Variants in MYLK3 observed in about 807,000 individuals in gnomAD.
MYLK3 encodes the protein myosin light chain kinase 3.
In MYLK3, 55 loss-of-function variants were observed where a neutral mutation model predicts 76.3. That is an observed-to-expected ratio of 0.72 (90% CI 0.58 to 0.90). MYLK3 has a LOEUF of 0.90. Among genes scored for constraint, MYLK3 ranks in the 40% least tolerant of loss-of-function variants. The pLI is 0.00. For synonymous variants in MYLK3, 416 were observed against 425.4 expected, an observed-to-expected ratio of 0.98 and a Z score of 0.27; for missense variants, 973 against 1,053.6, an observed-to-expected ratio of 0.92 and a Z score of 1.06.
At chr16:46,714,483 G>T (rs529321204) in intron 9 of MYLK3, among the ~76,000 whole-genome samples, 3 of 152,212 alleles carry the variant, frequency 2.0e-5, no homozygotes, top group South Asian at 2.1e-4. Context: ...CTGGGCCTCG[G>T]GGGGCAAGCG....
In MYLK3 at chr16:46,729,616, T is replaced by C. The variant is rs1966848482; in HGVS notation, c.1640A>G (p.Lys547Arg). The change falls in exon 6 of 13, where the codon AAA becomes AGA. Residue 547 changes from lysine (K) to arginine (R), a missense_variant. Around this residue, in one of 2 missense-constraint regions of MYLK3, gnomAD observed 332 missense variants for 416.6 expected, o/e 0.80. Coordinates refer to ENST00000394809, the MANE Select transcript of MYLK3 (RefSeq NM_182493.3). The stretch of plus-strand genomic sequence containing the variant: ...CACCCGGTCCTTGGCGCTCTTCACT[T>C]TGATGATCTTGGCAGCCAGTGGGAG... ...TGLPLAAKII[K>R]VKSAKDREDV... 1.2e-6 allele frequency: 2 copies of C among 1,613,646 alleles called. No homozygotes were observed. The highest frequency in any genetic ancestry group is 1.7e-6 in the Non-Finnish European group (2 of 1,179,818).
intron 11 of MYLK3, among the ~76,000 whole-genome samples, 181 bp from the exon 12 acceptor site, chr16:46,709,852 A>G (rs1966665124): frequency 6.6e-6 from 1 of 152,216 alleles, no homozygotes. Flanking sequence ...AAGTGCCAGA[A>G]GGTCGTCAGC....
At chr16:46,750,883 CTT>C (rs1400471117), upstream of MYLK3, among the ~76,000 whole-genome samples, 5 of 151,994 alleles carry the variant, frequency 3.3e-5, no homozygotes, top group Admixed American at 2.0e-4. Context: ...ATCCCAGCTA[CTT>C]GGGAGGCTGA....
chr16:46,727,405 C>G lies in MYLK3; in HGVS notation c.1773-28G>C, dbSNP rs778191011. 3 of 1,590,888 alleles carry G rather than the reference C, an allele frequency of 1.9e-6. No individual in the cohort carries two copies. In the East Asian group the frequency reaches 6.8e-5, roughly 36 times the overall value. On this transcript the variant is annotated intron_variant, in intron 7 of 12. Coordinates refer to ENST00000394809, the MANE Select transcript of MYLK3 (RefSeq NM_182493.3). ...GCCAGAGCAAAGGGAGAGGCAGGCACCAGCCTAAGCAAGGCTCTTCAGGGC... is the reference window on the plus strand; with the variant it reads ...GCCAGAGCAAAGGGAGAGGCAGGCAGCAGCCTAAGCAAGGCTCTTCAGGGC...
chr16:46,754,500 G>T (rs1314204324), intron 1 of MYLK3, among the ~76,000 whole-genome samples: 1 of 152,080 alleles, frequency 6.6e-6, no homozygotes, highest in Non-Finnish European at 1.5e-5. Context: ...CATAAGAGGA[G>T]GAACAGAGAT....
chr16:46,709,704 T>C (rs1966663495), intron 11 of MYLK3, 33 bp from the exon 12 acceptor site: 1 of 1,603,472 alleles, frequency 6.2e-7, no homozygotes, highest in Non-Finnish European at 8.5e-7. Flanking sequence ...AGACTTTTAG[T>C]TGGAGTTGCC....
chr16:46,750,434 G>A (rs565930600), upstream of MYLK3, among the ~76,000 whole-genome samples: 14 of 152,336 alleles, frequency 9.2e-5, no homozygotes, highest in East Asian at 3.9e-4. Flanking sequence ...AGTGGCTCAC[G>A]CCTATAATCC....
intron 1 of MYLK3, among the ~76,000 whole-genome samples, chr16:46,757,817 G>C (rs1967220075): frequency 6.6e-6 from 1 of 152,210 alleles, no homozygotes; most frequent in East Asian, 1.9e-4. Context: ...TCCAAGGAGG[G>C]AGGAATGAAG....
At position 46,703,430 on chromosome 16, in the gene MYLK3, T is replaced by C. The variant is rs1966595863; in HGVS notation, c.*4274A>G. 1 of 152,190 alleles carries C rather than the reference T, an allele frequency of 6.6e-6. No homozygotes were observed. The highest frequency in any genetic ancestry group is 2.4e-5 in the African/African-American group (1 of 41,446). The allele number at this position is 152,190 out of a possible 1,614,324, so 9.4% of individuals were successfully genotyped here. A position where few individuals can be genotyped will look rare whatever the true frequency, so the allele number is the denominator to read the frequency against. Reference sequence around the variant, plus strand: ...TACATATCCATCAAAAGTGGGAGAATGCCATTTTCCCCACAGCCTCACCAA... The same window carrying C: ...TACATATCCATCAAAAGTGGGAGAACGCCATTTTCCCCACAGCCTCACCAA... On this transcript the variant is annotated 3_prime_UTR_variant, in exon 13 of 13. Coordinates refer to ENST00000394809, the MANE Select transcript of MYLK3 (RefSeq NM_182493.3).
At chr16:46,729,724 A>G in intron 5 of MYLK3, 37 bp from the exon 6 acceptor site, 1 of 1,586,890 alleles carries the variant, frequency 6.3e-7, no homozygotes. Context: ...CTGAGAGCCC[A>G]GAGGCTCATC....
At chr16:46,719,894 T>C (rs534182199) in intron 9 of MYLK3, among the ~76,000 whole-genome samples, 4 of 152,310 alleles carry the variant, frequency 2.6e-5, no homozygotes, top group African/African-American at 9.6e-5. Flanking sequence ...TCATATACAA[T>C]GGGCCTGATG....
rs745833581 is a variant in MYLK3, at chr16:46,737,807, G to A, written c.905C>T (p.Thr302Met). ...RPDPEPLEEG[T>M]RLTPGPGPQC... Reference sequence around the variant, plus strand: ...AGGGCCAGGCCCTGGAGTCAGCCTCGTGCCTTCCTCTAAGGGCTCAGGGTC... The same window carrying A: ...AGGGCCAGGCCCTGGAGTCAGCCTCATGCCTTCCTCTAAGGGCTCAGGGTC... The change falls in exon 3 of 13, where the codon ACG becomes ATG. Residue 302 changes from threonine to methionine, a missense_variant. Physicochemically the swap from Thr to Met is moderately conservative, Grantham distance 81. Transcript: ENST00000394809. The A allele has an allele frequency of 2.0e-5, 32 of 1,612,700 alleles. No homozygotes were observed. Among genetic ancestry groups the A allele is most frequent in the Admixed American group, 1.3e-4 (8 of 60,012 alleles).
At chr16:46,709,446 A>G (rs183768169) in intron 12 of MYLK3, 93 bp downstream of exon 12, 13 of 1,427,578 alleles carry the variant, frequency 9.1e-6, no homozygotes, top group Middle Eastern at 1.9e-4. Context: ...AAAAGAAGAA[A>G]AAAAAAAAAA....
intron 1 of MYLK3, among the ~76,000 whole-genome samples, chr16:46,756,037 G>A (rs1967196596): frequency 6.6e-6 from 1 of 150,848 alleles, no homozygotes; most frequent in Non-Finnish European, 1.5e-5. Flanking sequence ...CCTCCTGAGA[G>A]TAGCTGGGAC....
intron 9 of MYLK3, among the ~76,000 whole-genome samples, chr16:46,716,381 A>G: frequency 6.6e-6 from 1 of 151,534 alleles, no homozygotes; most frequent in East Asian, 1.9e-4. Flanking sequence ...ATGTATATGT[A>G]TATATATATA....
chr16:46,707,491 G>A lies in MYLK3; in HGVS notation c.*213C>T, dbSNP rs1018975892. The A allele has an allele frequency of 5.1e-5, 27 of 526,596 alleles. No homozygotes were observed. Among genetic ancestry groups the A allele is most frequent in the Admixed American group, 2.8e-4 (8 of 28,676 alleles). The allele number at this position is 526,596 out of a possible 1,614,324, so 32.6% of individuals were successfully genotyped here. The stretch of plus-strand genomic sequence containing the variant: ...GAAAGGTACTCAGAGCATTTCACAC[G>A]TAGTGATCTTACAAGGCAGAAAAAA... On this transcript the variant is annotated 3_prime_UTR_variant, in exon 13 of 13. Transcript: ENST00000394809.
Position 46,724,104 on chromosome 16 carries a change from T to C in MYLK3, c.1915-2911A>G, listed in dbSNP as rs553373946. ...GCTTAGTGGCAATTGTATGTTTTCA[T>C]TGGATAAATATCTATTCAAATCCTT... On this transcript the variant is annotated intron_variant, in intron 8 of 12. Coordinates refer to ENST00000394809, the MANE Select transcript of MYLK3 (RefSeq NM_182493.3). Among the ~76,000 whole-genome samples the C allele has an allele frequency of 4.6e-5, 7 of 152,378 alleles. No individual in the cohort carries two copies. The South Asian group carries it at 8.3e-4, about 18-fold the overall frequency.
chr16:46,710,209 T>C (rs758961161), intron 11 of MYLK3, among the ~76,000 whole-genome samples: 8 of 152,246 alleles, frequency 5.3e-5, no homozygotes, highest in Non-Finnish European at 8.8e-5. Context: ...GTCCAGTTAT[T>C]ACCTTATTCT....
chr16:46,739,834 C>T (rs990031518), intron 2 of MYLK3, among the ~76,000 whole-genome samples: 2 of 152,088 alleles, frequency 1.3e-5, no homozygotes. Flanking sequence ...GTTCCCCAAC[C>T]CCGAGGTGTT....
Sources: allele counts gnomAD v4.1 joint callset (sites outside exome capture counted in the v4.1 genomes callset), GRCh38; gene constraint gnomAD v4.1.1; regional missense constraint gnomAD v4.1.1; transcripts MANE v1.5; gene names NCBI Gene and HGNC (gene_info 2026-07-23, HGNC 2026-07-21).